The following TBC1D32 variants were observed in gnomAD, a reference collection of about 807,000 sequenced individuals.
TBC1D32 encodes protein broad-minded.
In TBC1D32, 151 loss-of-function variants were observed where a neutral mutation model predicts 170.3. That is an observed-to-expected ratio of 0.89 (90% CI 0.78 to 1.01). TBC1D32 has a LOEUF of 1.01. Among genes scored for constraint, TBC1D32 ranks in the 50% least tolerant of loss-of-function variants. The probability of loss-of-function intolerance (pLI) is 0.00; values close to 1 mark genes in which losing one functional copy is unlikely to be tolerated. For synonymous variants in TBC1D32, 498 were observed against 488.0 expected, an observed-to-expected ratio of 1.02 and a Z score of -0.27; for missense variants, 1,464 against 1,457.1, an observed-to-expected ratio of 1.00 and a Z score of -0.08.
chr6:121,334,500 C>G (rs79191863), upstream of TBC1D32: 6 of 1,504,582 alleles, frequency 4.0e-6, no homozygotes, highest in Admixed American at 8.4e-5. Context: ...CGCACGCGCA[C>G]GCGCACCCCC....
chr6:121,119,767 T>C (rs990210940), intron 26 of TBC1D32, among the ~76,000 whole-genome samples: 3 of 152,176 alleles, frequency 2.0e-5, no homozygotes, highest in African/African-American at 7.2e-5. Flanking sequence ...GCCAAACTAA[T>C]TTGATTTTTC....
At chr6:121,123,661 T>C (rs1248399479) in intron 26 of TBC1D32, among the ~76,000 whole-genome samples, 8 of 152,182 alleles carry the variant, frequency 5.3e-5, no homozygotes, top group Middle Eastern at 3.4e-3. Context: ...AGAAAGTATA[T>C]AGTTAGGTCC....
intron 15 of TBC1D32, among the ~76,000 whole-genome samples, chr6:121,261,387 C>T (rs1002930498): frequency 1.3e-5 from 2 of 152,160 alleles, no homozygotes; most frequent in African/African-American, 4.8e-5. Context: ...CAGGTTGGTG[C>T]CCCTCAAGGT....
intron 26 of TBC1D32, among the ~76,000 whole-genome samples, chr6:121,120,932 A>G (rs545850656): frequency 3.3e-5 from 5 of 152,032 alleles, no homozygotes; most frequent in Admixed American, 6.6e-5. Context: ...ATGTGTAAAT[A>G]AATATAGGGT....
At chr6:121,162,904 C>A (rs1211473853) in intron 22 of TBC1D32, 3 of 112,980 alleles carry the variant, frequency 2.7e-5, no homozygotes, top group Non-Finnish European at 5.8e-5. Flanking sequence ...GGCATTGCCT[C>A]ACCTGGGAAG....
Position 121,245,401 on chromosome 6 carries a change from AAGG to A in TBC1D32, c.2019-3065_2019-3063del, listed in dbSNP as rs544766510. ...TCTCAGGAAGTCCCATTCTTAGAGT[AAGG>A]AGGAGAGCACCACATCAAGGGAACA... On this transcript the variant is annotated intron_variant, in intron 17 of 31. Coordinates refer to ENST00000398212, the MANE Select transcript of TBC1D32 (RefSeq NM_152730.6). Among the ~76,000 whole-genome samples the A allele has an allele frequency of 9.8e-5, 15 of 152,292 alleles. No individual in the cohort carries two copies. The South Asian group carries it at 3.1e-3, about 32-fold the overall frequency.
intron 3 of TBC1D32, among the ~76,000 whole-genome samples, chr6:121,311,511 C>T (rs932100364): frequency 6.4e-4 from 98 of 152,166 alleles, no homozygotes; most frequent in South Asian, 2.1e-4. Context: ...GGGCGGATCA[C>T]GAGGTCAAGA....
intron 21 of TBC1D32, among the ~76,000 whole-genome samples, chr6:121,216,168 A>G (rs1396001892): frequency 6.6e-6 from 1 of 152,238 alleles, no homozygotes; most frequent in Non-Finnish European, 1.5e-5. Flanking sequence ...ATCAGCTGCC[A>G]GCAAATATAA....
chr6:121,093,210 T>A, intron 30 of TBC1D32, among the ~76,000 whole-genome samples: 1 of 152,236 alleles, frequency 6.6e-6, no homozygotes, highest in East Asian at 1.9e-4. Context: ...GGAGGGTAGG[T>A]TGGCATGCAG....
intron 24 of TBC1D32, among the ~76,000 whole-genome samples, chr6:121,146,709 C>G (rs2128230022): frequency 6.6e-6 from 1 of 152,214 alleles, no homozygotes; most frequent in Admixed American, 6.5e-5. Flanking sequence ...TTTCCTGAAT[C>G]ATAGATAAGA....
intron 22 of TBC1D32, among the ~76,000 whole-genome samples, chr6:121,203,987 T>C (rs75839427): frequency 0.029 from 4,270 of 147,148 alleles, 334 homozygotes; most frequent in African/African-American, 0.096. Context: ...AGCAAGAAAA[T>C]ATACAGGAAA....
intron 1 of TBC1D32, among the ~76,000 whole-genome samples, chr6:121,333,146 G>A (rs1562134567): frequency 6.6e-6 from 1 of 152,108 alleles, no homozygotes; most frequent in Non-Finnish European, 1.5e-5. Context: ...GGGTATCCAA[G>A]AGACAGTAAA....
At chr6:121,086,441 A>G (rs1776282454) in intron 31 of TBC1D32, among the ~76,000 whole-genome samples, 1 of 152,142 alleles carries the variant, frequency 6.6e-6, no homozygotes, top group Non-Finnish European at 1.5e-5. Flanking sequence ...CTTTTATCTT[A>G]TAAAAGCTTA....
At chr6:121,093,006 T>C (rs1776997412) in intron 30 of TBC1D32, among the ~76,000 whole-genome samples, 1 of 152,190 alleles carries the variant, frequency 6.6e-6, no homozygotes, top group Non-Finnish European at 1.5e-5. Context: ...GAGTTTCCTT[T>C]ACAACTATAA....
chr6:121,091,872 C>T (rs996949695), intron 30 of TBC1D32, among the ~76,000 whole-genome samples: 1 of 152,082 alleles, frequency 6.6e-6, no homozygotes, highest in Admixed American at 6.6e-5. Flanking sequence ...GAGCCCTAAT[C>T]CAATACGACT....
intron 21 of TBC1D32, among the ~76,000 whole-genome samples, chr6:121,213,477 A>C (rs140596982): frequency 0.61 from 40,527 of 66,282 alleles, 9,840 homozygotes; most frequent in Non-Finnish European, 0.67. Context: ...AATAAAATAA[A>C]ATAAAATAAA....
intron 26 of TBC1D32, among the ~76,000 whole-genome samples, chr6:121,125,524 T>A (rs963868541): frequency 1.3e-5 from 2 of 151,522 alleles, no homozygotes; most frequent in Non-Finnish European, 2.9e-5. Context: ...AGCCAGCAGG[T>A]CTCTGCACAA....
At chr6:121,208,480 A>G (rs1393189411) in intron 21 of TBC1D32, among the ~76,000 whole-genome samples, 1 of 152,006 alleles carries the variant, frequency 6.6e-6, no homozygotes, top group Non-Finnish European at 1.5e-5. Flanking sequence ...TCACCCCATA[A>G]TTCAGTTACC....
intron 24 of TBC1D32, among the ~76,000 whole-genome samples, chr6:121,133,620 T>C (rs1048281688): frequency 2.0e-5 from 3 of 152,060 alleles, no homozygotes; most frequent in Non-Finnish European, 4.4e-5. Context: ...AGTATTTCCC[T>C]ATTTGACATT....
Sources: allele counts gnomAD v4.1 joint callset (sites outside exome capture counted in the v4.1 genomes callset), GRCh38; gene constraint gnomAD v4.1.1; transcripts MANE v1.5; gene names NCBI Gene and HGNC (gene_info 2026-07-23, HGNC 2026-07-21).